Variants in NVL observed in about 807,000 individuals in gnomAD.
NVL encodes the protein nuclear VCP like.
In NVL, 84 loss-of-function variants were observed where a neutral mutation model predicts 110.2. That is an observed-to-expected ratio of 0.76 (90% CI 0.64 to 0.91). NVL has a LOEUF of 0.91. Among genes scored for constraint, NVL ranks in the 40% least tolerant of loss-of-function variants. The probability of loss-of-function intolerance (pLI) is 0.00; values close to 1 mark genes in which losing one functional copy is unlikely to be tolerated. For synonymous variants in NVL, 354 were observed against 361.1 expected (o/e 0.98, Z 0.22); for missense variants, 882 against 1,035.9 (o/e 0.85, Z 2.04).
intron 18 of NVL, among the ~76,000 whole-genome samples, chr1:224,251,172 G>C (rs1431671793): frequency 6.6e-6 from 1 of 150,782 alleles, no homozygotes; most frequent in African/African-American, 2.4e-5. Flanking sequence ...TACTCGGGAG[G>C]CTGAGGCAGG....
intron 2 of NVL, 41 bp from the exon 3 acceptor site, chr1:224,317,971 C>T (rs1670258880): frequency 7.2e-7 from 1 of 1,392,672 alleles, no homozygotes; most frequent in African/African-American, 1.5e-5. Flanking sequence ...GTAGTCTCCA[C>T]CAATATTTTT....
At chr1:224,309,520 G>A (rs565678140) in intron 5 of NVL, among the ~76,000 whole-genome samples, 6 of 151,242 alleles carry the variant, frequency 4.0e-5, no homozygotes, top group East Asian at 2.0e-4. Flanking sequence ...CCCTGTCCCC[G>A]TGAAAACTGG....
chr1:224,278,430 CA>C (rs1030773799), intron 16 of NVL, among the ~76,000 whole-genome samples: 4 of 151,816 alleles, frequency 2.6e-5, no homozygotes, highest in Non-Finnish European at 4.4e-5. Context: ...GGGGTTTCAC[CA>C]CATTGGCCAC....
chr1:224,293,732 A>G (rs1558317086), intron 12 of NVL, among the ~76,000 whole-genome samples: 3 of 152,244 alleles, frequency 2.0e-5, no homozygotes, highest in Non-Finnish European at 4.4e-5. Context: ...AAGACCAGAC[A>G]AATGAGTATG....
intron 18 of NVL, among the ~76,000 whole-genome samples, chr1:224,252,753 C>G (rs746188582): frequency 1.3e-5 from 2 of 152,202 alleles, no homozygotes; most frequent in African/African-American, 4.8e-5. Flanking sequence ...GCCTAAGGGT[C>G]TTCTGACTCT....
chr1:224,325,811 G>A (rs1299317042), intron 2 of NVL, among the ~76,000 whole-genome samples: 1 of 152,164 alleles, frequency 6.6e-6, no homozygotes, highest in Non-Finnish European at 1.5e-5. Flanking sequence ...TTTTGGGACA[G>A]GATCTTATTC....
chr1:224,311,974 A>C, intron 4 of NVL, 117 bp from the exon 5 acceptor site: 1 of 729,942 alleles, frequency 1.4e-6, no homozygotes, highest in Non-Finnish European at 2.3e-6. Context: ...AAGAGTCCAA[A>C]CTCTGGAATC....
At chr1:224,240,917 A>G (rs1171383619) in intron 19 of NVL, among the ~76,000 whole-genome samples, 1 of 151,298 alleles carries the variant, frequency 6.6e-6, no homozygotes, top group African/African-American at 2.4e-5. Context: ...CAGCTTCCCA[A>G]GTAGCTGGGA....
chr1:224,233,718 C>A (rs1660158245), intron 20 of NVL, among the ~76,000 whole-genome samples: 1 of 152,074 alleles, frequency 6.6e-6, no homozygotes, highest in Non-Finnish European at 1.5e-5. Context: ...AAGATCGCAC[C>A]ACTGCACTCC....
At chr1:224,265,616 C>T (rs919590835) in intron 18 of NVL, among the ~76,000 whole-genome samples, 1 of 152,136 alleles carries the variant, frequency 6.6e-6, no homozygotes, top group East Asian at 1.9e-4. Context: ...GTGGTTTGAA[C>T]GTATTCCCCA....
chr1:224,254,723 T>C (rs1033837732), intron 18 of NVL, among the ~76,000 whole-genome samples: 1 of 151,620 alleles, frequency 6.6e-6, no homozygotes, highest in Non-Finnish European at 1.5e-5. Context: ...CCAACATGTG[T>C]TTTTAAAATG....
chr1:224,314,029 A>G (rs1414578879), intron 4 of NVL, among the ~76,000 whole-genome samples: 1 of 152,236 alleles, frequency 6.6e-6, no homozygotes. Flanking sequence ...TATATGATCA[A>G]TATTTTGCCT....
At chr1:224,240,462 C>T (rs1661059416) in intron 19 of NVL, among the ~76,000 whole-genome samples, 1 of 151,970 alleles carries the variant, frequency 6.6e-6, no homozygotes, top group East Asian at 1.9e-4. Context: ...CTGCCCGCCT[C>T]CGCCTCCCAA....
At chr1:224,250,090 G>A (rs865847511) in intron 19 of NVL, 122 bp downstream of exon 19, 2 of 885,568 alleles carry the variant, frequency 2.3e-6, no homozygotes, top group Middle Eastern at 2.7e-4. Flanking sequence ...GGGAGATATA[G>A]GCTGGGCAAA....
intron 10 of NVL, among the ~76,000 whole-genome samples, chr1:224,300,210 C>T (rs1668266553): frequency 6.6e-6 from 1 of 152,074 alleles, no homozygotes; most frequent in African/African-American, 2.4e-5. Context: ...ACAATTTTTA[C>T]ATTGCTTACA....
chr1:224,300,289 T>C (rs1380480333), intron 10 of NVL, among the ~76,000 whole-genome samples: 1 of 152,214 alleles, frequency 6.6e-6, no homozygotes, highest in African/African-American at 2.4e-5. Context: ...GGATAATATA[T>C]TTTCAACATA....
At chr1:224,266,050 TAAAC>T (rs1471985461) in intron 18 of NVL, among the ~76,000 whole-genome samples, 1 of 152,220 alleles carries the variant, frequency 6.6e-6, no homozygotes, top group Non-Finnish European at 1.5e-5. Flanking sequence ...TACAAACAAT[TAAAC>T]AGATAATAAT....
intron 18 of NVL, among the ~76,000 whole-genome samples, chr1:224,257,746 C>G (rs1314613119): frequency 6.6e-6 from 1 of 151,962 alleles, no homozygotes; most frequent in Non-Finnish European, 1.5e-5. Flanking sequence ...CACTATGTTG[C>G]CCAGGCTGGT....
intron 4 of NVL, among the ~76,000 whole-genome samples, chr1:224,315,214 C>T (rs1432368875): frequency 1.3e-5 from 2 of 152,090 alleles, no homozygotes; most frequent in African/African-American, 4.8e-5. Flanking sequence ...ACCACTATGC[C>T]TGGCTAATTT....
Sources: allele counts gnomAD v4.1 joint callset (sites outside exome capture counted in the v4.1 genomes callset), GRCh38; gene constraint gnomAD v4.1.1; transcripts MANE v1.5; gene names NCBI Gene and HGNC (gene_info 2026-07-23, HGNC 2026-07-21).